Variants in TEX9 observed in about 807,000 individuals in gnomAD.
The protein encoded by TEX9 is testis expressed 9.
Under a neutral mutation model 59.6 loss-of-function variants are expected in TEX9, and 74 were observed. The observed-to-expected ratio is 1.24, with a 90% CI of 1.03 to 1.51. The LOEUF (loss-of-function observed/expected upper bound fraction) is 1.51. TEX9 is among the 40% of genes most tolerant of loss of function. TEX9 has a pLI of 0.00. For missense variants in TEX9, 522 were observed against 447.8 expected (o/e 1.17, Z -1.49); for synonymous variants, 186 against 152.2 (o/e 1.22, Z -1.64).
intron 1 of TEX9, among the ~76,000 whole-genome samples, chr15:56,290,640 A>G (rs1456629607): frequency 6.6e-6 from 1 of 152,054 alleles, no homozygotes; most frequent in Non-Finnish European, 1.5e-5. Flanking sequence ...ATGTTTATAG[A>G]GGTGGGTTCT....
At chr15:56,250,761 G>GA (rs1222976267) in intron 1 of TEX9, among the ~76,000 whole-genome samples, 144 of 144,662 alleles carry the variant, frequency 1.0e-3, no homozygotes, top group East Asian at 2.4e-3. Context: ...CTTCCTTAGG[G>GA]AAAAAAAAAA....
intron 1 of TEX9, among the ~76,000 whole-genome samples, chr15:56,344,332 C>T (rs940916468): frequency 6.6e-6 from 1 of 152,030 alleles, no homozygotes; most frequent in Admixed American, 6.6e-5. Context: ...ATATTATTTA[C>T]CATGTAAGTG....
intron 1 of TEX9, among the ~76,000 whole-genome samples, chr15:56,270,813 C>G (rs2044510379): frequency 6.6e-6 from 1 of 152,116 alleles, no homozygotes; most frequent in Admixed American, 6.6e-5. Context: ...TTCAGGAGCT[C>G]TTGTAAGGCA....
intron 3 of TEX9, among the ~76,000 whole-genome samples, chr15:56,378,316 C>G (rs1028023458): frequency 6.6e-6 from 1 of 151,910 alleles, no homozygotes; most frequent in Admixed American, 6.6e-5. Context: ...TTTAAATGTT[C>G]GATAGAATTC....
intron 10 of TEX9, among the ~76,000 whole-genome samples, chr15:56,425,310 A>C (rs550198098): frequency 6.6e-6 from 1 of 152,116 alleles, no homozygotes; most frequent in Non-Finnish European, 1.5e-5. Flanking sequence ...CTATTCTTCA[A>C]ATAAGTTACT....
At chr15:56,342,791 G>A (rs541796754) in intron 1 of TEX9, among the ~76,000 whole-genome samples, 6 of 152,268 alleles carry the variant, frequency 3.9e-5, no homozygotes, top group African/African-American at 1.4e-4. Flanking sequence ...AGCTCCTGGA[G>A]AGAGAGAAAA....
intron 1 of TEX9, among the ~76,000 whole-genome samples, chr15:56,299,523 G>T (rs1364791936): frequency 1.3e-5 from 2 of 152,252 alleles, no homozygotes; most frequent in East Asian, 1.9e-4. Flanking sequence ...TGGACTTGGG[G>T]TACACATGAC....
chr15:56,248,752 G>A (rs143520710), intron 1 of TEX9: 1 of 152,328 alleles, frequency 6.6e-6, no homozygotes, highest in Non-Finnish European at 1.5e-5. Context: ...TTCAGGAAAG[G>A]AGTGGCTGTG....
intron 9 of TEX9, among the ~76,000 whole-genome samples, chr15:56,399,067 A>G (rs1218792370): frequency 6.6e-6 from 1 of 152,200 alleles, no homozygotes; most frequent in Non-Finnish European, 1.5e-5. Flanking sequence ...TGATTTCTGC[A>G]TTTCCAACTG....
At chr15:56,358,255 G>C (rs555830689) in intron 1 of TEX9, among the ~76,000 whole-genome samples, 1 of 151,930 alleles carries the variant, frequency 6.6e-6, no homozygotes, top group Admixed American at 6.6e-5. Context: ...GTTTATTTGT[G>C]GGGAAGAGAT....
intron 1 of TEX9, among the ~76,000 whole-genome samples, chr15:56,288,563 ACTCTCTCTTGG>A (rs2045007483): frequency 6.6e-6 from 1 of 150,868 alleles, no homozygotes; most frequent in African/African-American, 2.4e-5. Context: ...ATATTTTCTC[ACTCTCTCTTGG>A]CCTGTAAGGT....
intron 4 of TEX9, among the ~76,000 whole-genome samples, chr15:56,386,501 T>G (rs1221429042): frequency 1.3e-5 from 2 of 152,036 alleles, no homozygotes; most frequent in Non-Finnish European, 2.9e-5. Context: ...ATTACAGTGG[T>G]GAGTAAACAG....
At chr15:56,446,769 T>C, downstream of TEX9, 1 of 1,173,818 alleles carries the variant, frequency 8.5e-7, no homozygotes, top group Non-Finnish European at 1.2e-6. Flanking sequence ...AATATGACAA[T>C]TTTTTAAGAA....
chr15:56,323,847 A>G (rs1480678182), intron 1 of TEX9: 1 of 216,740 alleles, frequency 4.6e-6, no homozygotes, highest in African/African-American at 2.3e-5. Flanking sequence ...TCTGCAAACC[A>G]TTTAACTCCC....
At position 56,384,072 on chromosome 15, in the gene TEX9, T is replaced by G. The variant is rs202187265; in HGVS notation, c.263+41T>G. ...TCTCAAGCACCTTCTTTTAAAAGGA[T>G]GTACATGGATCGTTATGTAAGATCT... On this transcript the variant is annotated intron_variant, in intron 4 of 12. Transcript: ENST00000352903. 5.4e-4 allele frequency: 796 copies of G among 1,465,412 alleles called. 3 individuals are homozygous for G. In the African/African-American group the frequency reaches 0.01, roughly 19 times the overall value. The allele number at this position is 1,465,412 out of a possible 1,614,324, so 90.8% of individuals were successfully genotyped here. A position where few individuals can be genotyped will look rare whatever the true frequency, so the allele number is the denominator to read the frequency against.
At chr15:56,298,107 A>T (rs2045259368) in intron 1 of TEX9, among the ~76,000 whole-genome samples, 1 of 152,256 alleles carries the variant, frequency 6.6e-6, no homozygotes, top group Non-Finnish European at 1.5e-5. Flanking sequence ...TGTGATCTGC[A>T]TGGAACAATT....
At chr15:56,261,367 T>TA (rs774562755) in intron 1 of TEX9, among the ~76,000 whole-genome samples, 129 of 152,062 alleles carry the variant, frequency 8.5e-4, no homozygotes, top group Admixed American at 1.3e-3. Context: ...CATTGTGAAT[T>TA]AAAAAAATCC....
chr15:56,436,067 G>C (rs1292081372), intron 12 of TEX9, among the ~76,000 whole-genome samples: 16 of 151,966 alleles, frequency 1.1e-4, no homozygotes, highest in Admixed American at 3.3e-4. Context: ...TTTAACCAAG[G>C]ATATCCAGGA....
intron 9 of TEX9, among the ~76,000 whole-genome samples, chr15:56,408,230 T>C (rs548149667): frequency 2.6e-5 from 4 of 152,240 alleles, no homozygotes; most frequent in Non-Finnish European, 2.9e-5. Flanking sequence ...TACCCTGCCA[T>C]TGAAACTACT....
Sources: gnomAD v4.1 joint callset for allele counts (sites outside exome capture counted in the v4.1 genomes callset) on GRCh38, gnomAD v4.1.1 for gene constraint, MANE v1.5 for transcripts, NCBI Gene and HGNC (gene_info 2026-07-23, HGNC 2026-07-21) for gene names.